Variants in FRAS1 observed in about 807,000 individuals in gnomAD.
FRAS1 encodes extracellular matrix organizing protein FRAS1.
A neutral mutation model predicts 435.2 loss-of-function variants in FRAS1; 290 were observed. The ratio of observed to expected loss-of-function variants is 0.67; its 90% CI spans 0.61 to 0.73. The LOEUF (loss-of-function observed/expected upper bound fraction) is 0.73, where lower values mean the gene tolerates loss of function less well. Among genes scored for constraint, FRAS1 ranks in the 30% least tolerant of loss-of-function variants. FRAS1 has a pLI of 0.00. For missense variants in FRAS1, 4,860 were observed against 5,001.5 expected (o/e 0.97, Z 0.85); for synonymous variants, 1,800 against 1,851.0 (o/e 0.97, Z 0.71).
chr4:78,125,465 G>A (rs1386564803), intron 2 of FRAS1, among the ~76,000 whole-genome samples: 2 of 152,228 alleles, frequency 1.3e-5, no homozygotes, highest in Non-Finnish European at 2.9e-5. Context: ...TGTATGTTCT[G>A]TTGATTTGGG....
rs1251887388 is a variant in FRAS1, at chr4:78,400,803, A to G, written c.4045A>G (p.Thr1349Ala). The G allele has an allele frequency of 1.2e-6, 2 of 1,613,696 alleles. No individual in the cohort carries two copies. Among genetic ancestry groups the G allele is most frequent in the African/African-American group, 2.7e-5 (2 of 74,928 alleles). ...TCCAGAAGGGGGGATGCTGCAGATC[A>G]CCAACAGAATCTTACAGGCCGAGGC... ...WVPEGGMLQI[T>A]NRILQAEAPG... is the part of the protein sequence containing the mutation. The change falls in exon 30 of 74, where the codon ACC becomes GCC. Residue 1349 changes from threonine to alanine, a missense_variant. Coordinates refer to ENST00000512123, the MANE Select transcript of FRAS1 (RefSeq NM_025074.7).
Position 78,387,370 on chromosome 4 carries a change from C to T in FRAS1, c.3649-5C>T. The T allele has an allele frequency of 6.3e-7, 1 of 1,593,194 alleles. No homozygotes were observed. The highest frequency in any genetic ancestry group is 1.1e-5 in the South Asian group (1 of 87,196). ...AACTGACTCTTCTTCCCTTCAACTC[C>T]ACAGGCCCCCTATGTGCTGAGAAAT... On this transcript the variant is annotated splice_region_variant and splice_polypyrimidine_tract_variant and intron_variant, in intron 28 of 73. Coordinates refer to ENST00000512123, the MANE Select transcript of FRAS1 (RefSeq NM_025074.7).
At position 78,506,903 on chromosome 4, in the gene FRAS1, T is replaced by C. The variant is rs571304892; in HGVS notation, c.9317-518T>C. Among the ~76,000 whole-genome samples the C allele has an allele frequency of 7.4e-4, 112 of 152,292 alleles. 5 individuals are homozygous for C. In the South Asian group the frequency reaches 0.022, roughly 30 times the overall value. ...CTTGGAACGGTACCCAAAGTGGGTC[T>C]TGAAGGCTTGAACCCTCACCTGTTC... On this transcript the variant is annotated intron_variant, in intron 61 of 73. Transcript: ENST00000512123.
rs969914392 is a variant in FRAS1, at chr4:78,484,608, G to A, written c.8752+2073G>A. ...TTTATAGCCTTAAGTTTTACATTTA[G>A]GTTTGTGATTCACAAAACGGTAACT... On this transcript the variant is annotated intron_variant, in intron 58 of 73. Transcript: ENST00000512123. 2.0e-5 allele frequency among the ~76,000 whole-genome samples: 3 copies of A among 152,020 alleles called. No individual in the cohort carries two copies. The South Asian group carries it at 6.2e-4, about 32-fold the overall frequency.
intron 5 of FRAS1, among the ~76,000 whole-genome samples, chr4:78,254,137 T>G (rs1400217514): frequency 6.6e-6 from 1 of 152,136 alleles, no homozygotes; most frequent in African/African-American, 2.4e-5. Flanking sequence ...GAATCCACGC[T>G]TGTTCCCATA....
chr4:78,286,425 A>C lies in FRAS1; in HGVS notation c.1420A>C (p.Thr474Pro). The change falls in exon 14 of 74, where the codon ACG (threonine) becomes CCG (proline). Residue 474 changes from threonine (T) to proline (P), a missense_variant. Coordinates refer to ENST00000512123, the MANE Select transcript of FRAS1 (RefSeq NM_025074.7). ...GTCAGCCTGCCAGCCCCAGTGCTCC[A>C]CGTGTACCAGTGGGCTGGAGTGCTC... ...LCLACQPQCS[T>P]CTSGLECSSC... is the part of the protein sequence containing the mutation. 1.2e-6 allele frequency: 2 copies of C among 1,613,602 alleles called. No homozygotes were observed. Among genetic ancestry groups the C allele is most frequent in the Non-Finnish European group, 8.5e-7 (1 of 1,179,886 alleles).
intron 2 of FRAS1, among the ~76,000 whole-genome samples, chr4:78,095,942 G>A (rs948385730): frequency 1.3e-5 from 2 of 152,156 alleles, no homozygotes; most frequent in Non-Finnish European, 2.9e-5. Flanking sequence ...GTCCCCCAGA[G>A]TCTTACCTCA....
intron 2 of FRAS1, among the ~76,000 whole-genome samples, chr4:78,139,000 C>T (rs941529570): frequency 2.6e-5 from 4 of 152,178 alleles, no homozygotes; most frequent in African/African-American, 9.6e-5. Flanking sequence ...CAATGCAGAT[C>T]TGCACATCTG....
At chr4:78,113,536 G>A (rs1349742008) in intron 2 of FRAS1, among the ~76,000 whole-genome samples, 1 of 152,148 alleles carries the variant, frequency 6.6e-6, no homozygotes, top group Non-Finnish European at 1.5e-5. Flanking sequence ...GGTGTGAGAT[G>A]GTATCTCATT....
At position 78,323,933 on chromosome 4, in the gene FRAS1, A is replaced by C. The variant is rs114683604; in HGVS notation, c.2137+4947A>C. ...AATTTCTCATAGGACTCTCCTGGGA[A>C]TCTTGTTAAAGATTCAGTCGGGTGG... On this transcript the variant is annotated intron_variant, in intron 18 of 73. Transcript: ENST00000512123. Among the ~76,000 whole-genome samples the C allele has an allele frequency of 8.3e-3, 1,267 of 152,202 alleles. 20 individuals carry two copies. Among genetic ancestry groups the C allele is most frequent in the African/African-American group, 0.028 (1,178 of 41,526 alleles).
intron 59 of FRAS1, among the ~76,000 whole-genome samples, chr4:78,492,813 T>TA (rs1720400978): frequency 6.6e-6 from 1 of 152,180 alleles, no homozygotes; most frequent in Non-Finnish European, 1.5e-5. Context: ...AAATGGGATC[T>TA]AATTGAACTA....
chr4:78,211,536 A>G (rs1723503646), intron 2 of FRAS1, among the ~76,000 whole-genome samples: 1 of 152,180 alleles, frequency 6.6e-6, no homozygotes, highest in Non-Finnish European at 1.5e-5. Flanking sequence ...CATTTGTCTG[A>G]GCACCTGTAC....
At chr4:78,392,587 C>T (rs1732490491) in intron 29 of FRAS1, among the ~76,000 whole-genome samples, 1 of 151,832 alleles carries the variant, frequency 6.6e-6, no homozygotes. Context: ...AGCTTTATTA[C>T]CATTTCTGCA....
At chr4:78,508,028 T>C (rs1720897935) in intron 62 of FRAS1, among the ~76,000 whole-genome samples, 1 of 152,234 alleles carries the variant, frequency 6.6e-6, no homozygotes, top group Non-Finnish European at 1.5e-5. Flanking sequence ...ATTTCTTTGA[T>C]GGGACTTAGA....
intron 2 of FRAS1, among the ~76,000 whole-genome samples, chr4:78,206,194 A>G (rs1723248574): frequency 6.6e-6 from 1 of 152,026 alleles, no homozygotes. Flanking sequence ...TCATGTAATC[A>G]TTAGGGTCCT....
chr4:78,197,110 A>G (rs1005304085), intron 2 of FRAS1, among the ~76,000 whole-genome samples: 8 of 152,164 alleles, frequency 5.3e-5, no homozygotes, highest in African/African-American at 1.9e-4. Flanking sequence ...TGTACAGGCA[A>G]TTCTTTTTTT....
rs1399834479 is a variant in FRAS1, at chr4:78,125,162, G to A, written c.108+59146G>A. On this transcript the variant is annotated intron_variant, in intron 2 of 73. Transcript: ENST00000512123. ...TTTCCCTCTACACACTGCTTTAAAT[G>A]TGTCCTAGTGATTTTGGTACGTTGT... Among the ~76,000 whole-genome samples, 4 of 152,186 alleles carry A rather than the reference G, an allele frequency of 2.6e-5. 1 individual carries two copies. The South Asian group carries it at 6.2e-4, about 24-fold the overall frequency.
chr4:78,313,251 G>A (rs983974701), intron 15 of FRAS1, among the ~76,000 whole-genome samples: 1 of 152,094 alleles, frequency 6.6e-6, no homozygotes, highest in South Asian at 2.1e-4. Flanking sequence ...TGAGTTCAGG[G>A]GTGATTTTCT....
intron 2 of FRAS1, among the ~76,000 whole-genome samples, chr4:78,119,448 T>C (rs1166955674): frequency 6.6e-6 from 1 of 152,210 alleles, no homozygotes; most frequent in Non-Finnish European, 1.5e-5. Context: ...TCACTTTCTG[T>C]TCCTGGCTTA....
Sources: gnomAD v4.1 joint callset for allele counts (sites outside exome capture counted in the v4.1 genomes callset) on GRCh38, gnomAD v4.1.1 for gene constraint, MANE v1.5 for transcripts, NCBI Gene and HGNC (gene_info 2026-07-23, HGNC 2026-07-21) for gene names.